Variants in CERS4 observed in about 807,000 individuals in gnomAD.
The protein encoded by CERS4 is LAG1 homolog, ceramide synthase 4.
CERS4 carries 65 observed loss-of-function variants against 51.8 expected under a neutral mutation model. That is an observed-to-expected ratio of 1.26 (90% CI 1.03 to 1.54). The LOEUF is 1.54. CERS4 is among the 40% of genes most tolerant of loss of function. The pLI is 0.00. For synonymous variants in CERS4, 228 were observed against 208.4 expected, an observed-to-expected ratio of 1.09 and a Z score of -0.81; for missense variants, 563 against 500.4, an observed-to-expected ratio of 1.13 and a Z score of -1.19.
intron 2 of CERS4, among the ~76,000 whole-genome samples, chr19:8,247,865 C>CTTTG (rs1968860045): frequency 6.6e-6 from 1 of 151,818 alleles, no homozygotes; most frequent in Non-Finnish European, 1.5e-5. Context: ...TCTCAAGTAG[C>CTTTG]TGGGGTTACA....
chr19:8,259,230 CGA>C (rs1049154409), intron 10 of CERS4, among the ~76,000 whole-genome samples: 31 of 152,196 alleles, frequency 2.0e-4, no homozygotes, highest in African/African-American at 7.2e-4. Flanking sequence ...GCGTTTGTAC[CGA>C]GAGATGGGAG....
chr19:8,261,506 A>C (rs1015494223), intron 10 of CERS4, 182 bp from the exon 11 acceptor site: 4 of 639,222 alleles, frequency 6.3e-6, no homozygotes, highest in Non-Finnish European at 1.1e-5. Context: ...CTGCTCATTT[A>C]GTACAAGCGA....
intron 10 of CERS4, among the ~76,000 whole-genome samples, chr19:8,259,329 A>C (rs1169381043): frequency 6.6e-6 from 1 of 152,134 alleles, no homozygotes; most frequent in Non-Finnish European, 1.5e-5. Context: ...AGGCAAGACC[A>C]TGCCCGGCAT....
chr19:8,213,292 G>A (rs1325771556), intron 2 of CERS4, among the ~76,000 whole-genome samples: 3 of 152,202 alleles, frequency 2.0e-5, no homozygotes, highest in Non-Finnish European at 1.5e-5. Flanking sequence ...TGGGATTACA[G>A]GCATGAGCCA....
chr19:8,262,079 T>C lies in CERS4; in HGVS notation c.1155T>C (p.Arg385=). 6.6e-7 allele frequency: 1 copy of C among 1,517,582 alleles called. No individual in the cohort carries two copies. The highest frequency in any genetic ancestry group is 2.3e-5 in the Admixed American group (1 of 43,212). The allele number at this position is 1,517,582 out of a possible 1,614,324, so 94.0% of individuals were successfully genotyped here. Residue 385 remains arginine, a synonymous_variant, in exon 12 of 12, where the codon CGT becomes CGC. Coordinates refer to ENST00000251363, the MANE Select transcript of CERS4 (RefSeq NM_024552.3). ...TDGPRSRVAG[R]LTNRHTTAT Reference sequence around the variant, plus strand: ...GCCCTCGGAGCCGGGTGGCCGGGCGTCTGACCAACAGGCACACAACAGCCA... The same window carrying C: ...GCCCTCGGAGCCGGGTGGCCGGGCGCCTGACCAACAGGCACACAACAGCCA...
intron 2 of CERS4, among the ~76,000 whole-genome samples, chr19:8,246,688 A>G (rs1599566749): frequency 6.6e-6 from 1 of 152,146 alleles, no homozygotes. Context: ...TCAGCTGCCT[A>G]CTTTGAAATG....
At position 8,256,947 on chromosome 19, in the gene CERS4, A is replaced by C; in HGVS notation, c.613-2A>C. 3.1e-6 allele frequency: 5 copies of C among 1,614,160 alleles called. No homozygotes were observed. The highest frequency in any genetic ancestry group is 4.2e-6 in the Non-Finnish European group (5 of 1,180,022). ...CCCACTATGACCCACCGTCTACTGC[A>C]GGATTTCAAGGAGCAGGTGATACAC... On this transcript the variant is annotated splice_acceptor_variant, in intron 8 of 11. Transcript: ENST00000251363. LOFTEE classifies it high-confidence loss of function.
rs984612646 is a variant in CERS4, at chr19:8,262,182, G to A, written c.*73G>A. The A allele has an allele frequency of 3.1e-5, 42 of 1,365,530 alleles. No individual in the cohort carries two copies. The highest frequency in any genetic ancestry group is 5.3e-4 in the Middle Eastern group (2 of 3,744). The allele number at this position is 1,365,530 out of a possible 1,614,324, so 84.6% of individuals were successfully genotyped here. A position where few individuals can be genotyped will look rare whatever the true frequency, so the allele number is the denominator to read the frequency against. On this transcript the variant is annotated 3_prime_UTR_variant, in exon 12 of 12. Coordinates refer to ENST00000251363, the MANE Select transcript of CERS4 (RefSeq NM_024552.3). ...ATATTTCTGGGGTGACTGGACTGGC[G>A]CCCCTGGGCCACCTTTCTGGAGACA...
chr19:8,251,363 C>T, intron 3 of CERS4, 114 bp downstream of exon 3: 1 of 1,439,784 alleles, frequency 6.9e-7, no homozygotes, highest in Non-Finnish European at 9.1e-7. Flanking sequence ...GGCTTTGCAC[C>T]AAAGCGCGTT....
chr19:8,245,011 G>A (rs1282986525), intron 2 of CERS4, among the ~76,000 whole-genome samples: 1 of 151,532 alleles, frequency 6.6e-6, no homozygotes, highest in Non-Finnish European at 1.5e-5. Flanking sequence ...GGGCGTAGTG[G>A]CGGGCACCTG....
chr19:8,257,504 T>A (rs1969459683), intron 9 of CERS4, among the ~76,000 whole-genome samples: 2 of 152,158 alleles, frequency 1.3e-5, no homozygotes, highest in Admixed American at 1.3e-4. Context: ...CACACACTGC[T>A]CACTGCAACC....
rs149089779 is a variant in CERS4, at chr19:8,257,921, G to T, written c.784G>T (p.Asp262Tyr). 1 of 1,613,898 alleles carries T rather than the reference G, an allele frequency of 6.2e-7. No individual in the cohort carries two copies. Among genetic ancestry groups the T allele is most frequent in the South Asian group, 1.1e-5 (1 of 91,092 alleles). ...CTACATGCAGTATCAGCAAGTGTGC[G>T]ACGCTCTCTTCCTCATCTTCTCCTT... ...VNYMQYQQVC[D>Y]ALFLIFSFVF... The change falls in exon 10 of 12, where the codon GAC (aspartate) becomes TAC (tyrosine). Residue 262 changes from aspartate (D) to tyrosine (Y), a missense_variant. Asp to Tyr is a radical substitution (Grantham distance 160). Transcript: ENST00000251363.
chr19:8,217,759 G>A (rs1424836213), intron 2 of CERS4, among the ~76,000 whole-genome samples: 8 of 151,994 alleles, frequency 5.3e-5, no homozygotes, highest in East Asian at 1.9e-4. Flanking sequence ...GGATGGTCTC[G>A]ATCTCCTGAC....
rs531492293 is a variant in CERS4 at position 8,223,656 on chromosome 19, C to T, written c.-2+12794C>T. ...ACAAAATTAGCCGGGCGTGGCAGTG[C>T]ACGCCTATAATCCCAGCTACTCAGA... On this transcript the variant is annotated intron_variant, in intron 2 of 11. Transcript: ENST00000251363. 2.0e-5 allele frequency among the ~76,000 whole-genome samples: 3 copies of T among 151,916 alleles called. No individual in the cohort carries two copies. In the East Asian group the frequency reaches 5.9e-4, roughly 30 times the overall value.
chr19:8,253,703 G>A (rs1969213733), intron 3 of CERS4, among the ~76,000 whole-genome samples: 1 of 151,856 alleles, frequency 6.6e-6, no homozygotes, highest in Admixed American at 6.6e-5. Context: ...CAATTCACCT[G>A]CCTCAACCTC....
intron 2 of CERS4, among the ~76,000 whole-genome samples, chr19:8,224,123 A>G (rs1568503128): frequency 7.5e-6 from 1 of 132,832 alleles, no homozygotes; most frequent in African/African-American, 2.8e-5. Context: ...AAAAAAAAAA[A>G]AAAGGCCAGG....
chr19:8,257,118 C>T lies in CERS4; in HGVS notation c.741+41C>T, dbSNP rs748303738. The T allele has an allele frequency of 3.2e-6, 5 of 1,542,464 alleles. No homozygotes were observed. The South Asian group carries it at 3.7e-5, about 12-fold the overall frequency. ...GCCTGACCCTTCCCAGCTGCTGTAC[C>T]CAGCCCTCCCAGGTGCCCCAGAGAT... On this transcript the variant is annotated intron_variant, in intron 9 of 11. Coordinates refer to ENST00000251363, the MANE Select transcript of CERS4 (RefSeq NM_024552.3).
chr19:8,235,557 A>G (rs1381892044), intron 2 of CERS4, among the ~76,000 whole-genome samples: 1 of 151,110 alleles, frequency 6.6e-6, no homozygotes, highest in Admixed American at 6.6e-5. Context: ...CCTGGCCATC[A>G]TAGGGAAACC....
chr19:8,261,530 G>A (rs1969701192), intron 10 of CERS4, 158 bp from the exon 11 acceptor site: 4 of 770,870 alleles, frequency 5.2e-6, no homozygotes, highest in African/African-American at 1.7e-5. Context: ...GGGGCCTCGC[G>A]TGCCCAGCTC....
Sources: gnomAD v4.1 joint callset for allele counts (sites outside exome capture counted in the v4.1 genomes callset) on GRCh38, gnomAD v4.1.1 for gene constraint, MANE v1.5 for transcripts, NCBI Gene and HGNC (gene_info 2026-07-23, HGNC 2026-07-21) for gene names.